Variants in DNAJC12 observed in about 807,000 individuals in gnomAD.
DNAJC12 encodes DnaJ heat shock protein family (Hsp40) member C12.
A neutral mutation model predicts 28.5 loss-of-function variants in DNAJC12; 25 were observed. That is an observed-to-expected ratio of 0.88 (90% CI 0.64 to 1.22). The LOEUF is 1.22. Ranked by LOEUF, DNAJC12 falls within the 50% of genes most tolerant of loss-of-function variation. The pLI is 0.00. For synonymous variants in DNAJC12, 77 were observed against 80.6 expected (o/e 0.95, Z 0.24); for missense variants, 222 against 231.7 (o/e 0.96, Z 0.27).
At position 67,797,438 on chromosome 10, in the gene DNAJC12, A is replaced by G. The variant is rs897383607; in HGVS notation, c.503-228T>C. On this transcript the variant is annotated intron_variant, in intron 4 of 4. Transcript: ENST00000225171. ...ATGATAAGACCTCACATGCTTAAAT[A>G]CTTAATAAGAGGAAATACATAGATG... 2.0e-5 allele frequency among the ~76,000 whole-genome samples: 3 copies of G among 152,230 alleles called. No individual in the cohort carries two copies. The East Asian group carries it at 5.8e-4, about 29-fold the overall frequency.
At chr10:67,797,887 A>G (rs1416394836) in intron 4 of DNAJC12, among the ~76,000 whole-genome samples, 10 of 152,050 alleles carry the variant, frequency 6.6e-5, no homozygotes, top group Admixed American at 3.9e-4. Context: ...AAAAATACAA[A>G]AAATTAGCCG....
At chr10:67,826,410 G>A (rs1425694271) in intron 1 of DNAJC12, among the ~76,000 whole-genome samples, 4 of 149,990 alleles carry the variant, frequency 2.7e-5, no homozygotes, top group East Asian at 3.9e-4. Context: ...CTGAGCTTAC[G>A]GGCATGAGTC....
At chr10:67,797,748 G>T (rs1685212825) in intron 4 of DNAJC12, among the ~76,000 whole-genome samples, 1 of 152,158 alleles carries the variant, frequency 6.6e-6, no homozygotes, top group South Asian at 2.1e-4. Flanking sequence ...TCGTTAAAAT[G>T]TATAAACCTT....
intron 4 of DNAJC12, among the ~76,000 whole-genome samples, chr10:67,798,758 CTTTTTT>C (rs377308990): frequency 7.6e-6 from 1 of 132,034 alleles, no homozygotes; most frequent in South Asian, 2.3e-4. Flanking sequence ...TGTGATTTTC[CTTTTTT>C]TTTTTTTTTT....
chr10:67,825,636 C>T (rs1404577909), intron 1 of DNAJC12: 1 of 1,808 alleles, frequency 5.5e-4, no homozygotes, highest in Non-Finnish European at 8.6e-3. Flanking sequence ...TCATGGGGTT[C>T]CATATTTACT....
At position 67,805,591 on chromosome 10, in the gene DNAJC12, T is replaced by A. The variant is rs777628711; in HGVS notation, c.494A>T (p.Asp165Val). ...LEKSVSPQNS[D>V]SSGFADVNGW... Reference sequence around the variant, plus strand: ...TATATAACGTGACTTACCTGAAGAATCTGAATTTTGCGGGGAGACTGACTT... The same window carrying A: ...TATATAACGTGACTTACCTGAAGAAACTGAATTTTGCGGGGAGACTGACTT... The change falls in exon 4 of 5, where the codon GAT becomes GTT. Residue 165 changes from aspartate (D) to valine (V), a missense_variant. By Grantham distance (152) the Asp-to-Val change is radical (BLOSUM62 -3). Coordinates refer to ENST00000225171, the MANE Select transcript of DNAJC12 (RefSeq NM_021800.3). 1.2e-6 allele frequency: 2 copies of A among 1,606,922 alleles called. No homozygotes were observed. Among genetic ancestry groups the A allele is most frequent in the Non-Finnish European group, 1.7e-6 (2 of 1,178,086 alleles).
At chr10:67,816,422 AAAAGATGTT>A (rs1484814244) in intron 2 of DNAJC12, among the ~76,000 whole-genome samples, 2 of 152,178 alleles carry the variant, frequency 1.3e-5, no homozygotes, top group African/African-American at 4.8e-5. Context: ...TTGAGACATT[AAAAGATGTT>A]AGTTAACAAA....
intron 4 of DNAJC12, among the ~76,000 whole-genome samples, chr10:67,803,275 A>G (rs1471509880): frequency 6.6e-6 from 1 of 152,226 alleles, no homozygotes; most frequent in Non-Finnish European, 1.5e-5. Context: ...ATCAGTGAAA[A>G]GCTGAGCCCA....
chr10:67,809,711 A>T (rs759496083), intron 3 of DNAJC12, among the ~76,000 whole-genome samples: 3 of 152,186 alleles, frequency 2.0e-5, no homozygotes, highest in African/African-American at 4.8e-5. Flanking sequence ...CCTGGAGGCC[A>T]TTGTTCTAAG....
At chr10:67,797,540 A>G (rs1841686297) in intron 4 of DNAJC12, among the ~76,000 whole-genome samples, 1 of 152,224 alleles carries the variant, frequency 6.6e-6, no homozygotes, top group Non-Finnish European at 1.5e-5. Context: ...AAAACCTTTC[A>G]AAAGTTAAAA....
At chr10:67,819,205 C>T (rs574182633) in intron 2 of DNAJC12, among the ~76,000 whole-genome samples, 83 of 152,038 alleles carry the variant, frequency 5.5e-4, no homozygotes, top group Non-Finnish European at 1.0e-3. Context: ...CGGTGGCAGG[C>T]GCCTGTAGTC....
chr10:67,810,059 C>T (rs141169290), intron 3 of DNAJC12, among the ~76,000 whole-genome samples: 1 of 152,230 alleles, frequency 6.6e-6, no homozygotes, highest in African/African-American at 2.4e-5. Context: ...ACTCACAGTT[C>T]CTCAGGCTTA....
At chr10:67,833,967 G>A in intron 1 of DNAJC12, 2 of 464,664 alleles carry the variant, frequency 4.3e-6, no homozygotes, top group South Asian at 3.1e-5. Context: ...AATGCTAGGG[G>A]TAAGCCCTAC....
chr10:67,826,685 T>G (rs1466628077), intron 1 of DNAJC12, among the ~76,000 whole-genome samples: 1 of 127,610 alleles, frequency 7.8e-6, no homozygotes, highest in Non-Finnish European at 1.6e-5. Flanking sequence ...ATATAAGATA[T>G]CTAATGATAT....
chr10:67,826,632 TATATATA>T (rs1842033505), intron 1 of DNAJC12, among the ~76,000 whole-genome samples: 1 of 133,252 alleles, frequency 7.5e-6, no homozygotes, highest in East Asian at 2.2e-4. Flanking sequence ...TATATATCAT[TATATATA>T]AGATATCTAA....
chr10:67,799,479 G>A (rs1027829494), intron 4 of DNAJC12, among the ~76,000 whole-genome samples: 1 of 152,052 alleles, frequency 6.6e-6, no homozygotes, highest in Non-Finnish European at 1.5e-5. Flanking sequence ...CCAAAATATC[G>A]ATAATACATA....
intron 3 of DNAJC12, among the ~76,000 whole-genome samples, chr10:67,807,551 T>G (rs1325366026): frequency 6.6e-6 from 1 of 152,206 alleles, no homozygotes; most frequent in East Asian, 1.9e-4. Flanking sequence ...GTTTGGTTTT[T>G]GCATATGCAC....
At chr10:67,802,524 C>G (rs1841757058) in intron 4 of DNAJC12, among the ~76,000 whole-genome samples, 1 of 152,172 alleles carries the variant, frequency 6.6e-6, no homozygotes, top group African/African-American at 2.4e-5. Flanking sequence ...TAATAAAACC[C>G]CCAACATTTT....
chr10:67,797,028 A>G lies in DNAJC12; in HGVS notation c.*88T>C, dbSNP rs977384059. The G allele has an allele frequency of 7.1e-6, 7 of 986,674 alleles. No individual in the cohort carries two copies. The highest frequency in any genetic ancestry group is 6.5e-5 in the African/African-American group (4 of 61,138). 61.1% of individuals were successfully genotyped at this position (986,674 alleles called of 1,614,324 possible). A position where few individuals can be genotyped will look rare whatever the true frequency, so the allele number is the denominator to read the frequency against. ...AGCAATTCACAGACATGACATAAAC[A>G]TGACATTTTTAAGACATAAACAAAG... is the stretch of plus-strand genomic sequence containing the variant. On this transcript the variant is annotated 3_prime_UTR_variant, in exon 5 of 5. Transcript: ENST00000225171.
Sources: allele counts gnomAD v4.1 joint callset (sites outside exome capture counted in the v4.1 genomes callset), GRCh38; gene constraint gnomAD v4.1.1; transcripts MANE v1.5; gene names NCBI Gene and HGNC (gene_info 2026-07-23, HGNC 2026-07-21).